Variants in DPT observed in about 807,000 individuals in gnomAD.
DPT encodes tyrosine-rich acidic matrix protein.
DPT carries 21 observed loss-of-function variants against 31.2 expected under a neutral mutation model. That is an observed-to-expected ratio of 0.67 (90% confidence interval 0.48 to 0.97). The LOEUF is 0.97. DPT is among the 50% of genes least tolerant of loss of function. The pLI, the probability that DPT is intolerant of heterozygous loss-of-function variation, is 0.00. For missense variants in DPT, 262 were observed against 258.8 expected (o/e 1.01, Z -0.08); for synonymous variants, 91 against 86.9 (o/e 1.05, Z -0.26).
chr1:168,700,953 C>A, intron 3 of DPT, 64 bp downstream of exon 3: 2 of 1,046,402 alleles, frequency 1.9e-6, no homozygotes, highest in Non-Finnish European at 1.5e-6. Context: ...AGGTAAAATC[C>A]TTGCAGGGAG....
intron 1 of DPT, among the ~76,000 whole-genome samples, chr1:168,725,627 G>A (rs763295607): frequency 9.9e-5 from 15 of 152,128 alleles, no homozygotes; most frequent in Non-Finnish European, 1.9e-4. Flanking sequence ...CCTGGTAGTT[G>A]TTAGTGCCAG....
At chr1:168,724,362 G>A (rs1650189710) in intron 1 of DPT, among the ~76,000 whole-genome samples, 2 of 152,212 alleles carry the variant, frequency 1.3e-5, no homozygotes, top group South Asian at 4.1e-4. Flanking sequence ...AAACCTGCAG[G>A]CCTCCTTGCG....
At chr1:168,699,843 C>T (rs1422401341) in intron 3 of DPT, among the ~76,000 whole-genome samples, 1 of 152,068 alleles carries the variant, frequency 6.6e-6, no homozygotes, top group African/African-American at 2.4e-5. Flanking sequence ...ATCATTAACA[C>T]CTGAATTTAC....
At chr1:168,704,935 A>T (rs981170500) in intron 2 of DPT, among the ~76,000 whole-genome samples, 1 of 152,234 alleles carries the variant, frequency 6.6e-6, no homozygotes, top group African/African-American at 2.4e-5. Context: ...ATACAATATC[A>T]TAGACTGAGC....
chr1:168,721,914 T>G (rs1173828224), intron 1 of DPT, among the ~76,000 whole-genome samples: 2 of 152,238 alleles, frequency 1.3e-5, no homozygotes, highest in Non-Finnish European at 2.9e-5. Context: ...AGGTTTTAAG[T>G]CTGCTAGTCT....
intron 1 of DPT, among the ~76,000 whole-genome samples, chr1:168,715,151 G>A (rs1182589722): frequency 2.6e-5 from 4 of 152,026 alleles, no homozygotes; most frequent in African/African-American, 4.8e-5. Flanking sequence ...ATATATAACC[G>A]CTCCACTCCA....
intron 3 of DPT, 121 bp from the exon 4 acceptor site, chr1:168,696,736 T>C (rs524705): frequency 0.57 from 470,961 of 831,300 alleles, 137,053 homozygotes; most frequent in African/African-American, 0.8. Context: ...GGACACTTAA[T>C]CTCACTTTGC....
chr1:168,728,617 G>C lies in DPT; in HGVS notation c.305+253C>G, dbSNP rs376513427. 9.2e-5 allele frequency among the ~76,000 whole-genome samples: 14 copies of C among 152,250 alleles called. No homozygotes were observed. In the East Asian group the frequency reaches 1.5e-3, roughly 17 times the overall value. ...CCCTGGCCCAAACTGAGAGTAGGTA[G>C]AACAGCTTCTGGAAGGAACAGAGCC... On this transcript the variant is annotated intron_variant, in intron 1 of 3. Transcript: ENST00000367817.
intron 2 of DPT, among the ~76,000 whole-genome samples, chr1:168,703,806 A>T (rs982178639): frequency 3.0e-4 from 45 of 152,332 alleles, no homozygotes; most frequent in Non-Finnish European, 3.2e-4. Context: ...GTAGAAAGTG[A>T]ACCTCCCAAA....
chr1:168,714,123 C>T, intron 2 of DPT, 98 bp downstream of exon 2: 1 of 1,539,012 alleles, frequency 6.5e-7, no homozygotes, highest in Non-Finnish European at 8.9e-7. Flanking sequence ...GCCTTCCAGG[C>T]TTGTGTGTGA....
intron 3 of DPT, among the ~76,000 whole-genome samples, chr1:168,698,623 T>C (rs1649516613): frequency 6.6e-6 from 1 of 152,154 alleles, no homozygotes; most frequent in South Asian, 2.1e-4. Context: ...AAGGGAATAC[T>C]TGGCAATGTC....
Position 168,695,983 on chromosome 1 carries a change from C to T in DPT, c.*566G>A, listed in dbSNP as rs1261733077. On this transcript the variant is annotated 3_prime_UTR_variant, in exon 4 of 4. Coordinates refer to ENST00000367817, the MANE Select transcript of DPT (RefSeq NM_001937.5). ...CAAACCCTTCCATTTCCCCATTTCA[C>T]CTCCCAGTCTCCTCACTCCTGGAGC... 1.3e-5 allele frequency: 5 copies of T among 389,846 alleles called. No homozygotes were observed. Among genetic ancestry groups the T allele is most frequent in the Non-Finnish European group, 2.3e-5 (5 of 221,130 alleles). 24.1% of individuals were successfully genotyped at this position (389,846 alleles called of 1,614,324 possible). A position where few individuals can be genotyped will look rare whatever the true frequency, so the allele number is the denominator to read the frequency against.
chr1:168,708,125 C>T (rs1196903662), intron 2 of DPT, among the ~76,000 whole-genome samples: 1 of 152,074 alleles, frequency 6.6e-6, no homozygotes, highest in African/African-American at 2.4e-5. Context: ...AATGCAAATG[C>T]TATGTGAGTA....
intron 2 of DPT, among the ~76,000 whole-genome samples, chr1:168,702,704 T>C (rs1649629690): frequency 6.7e-6 from 1 of 149,078 alleles, no homozygotes; most frequent in Non-Finnish European, 1.5e-5. Flanking sequence ...TTCCGCCTCC[T>C]GGGTTCAAGT....
At chr1:168,718,805 T>A (rs1650039558) in intron 1 of DPT, among the ~76,000 whole-genome samples, 1 of 152,198 alleles carries the variant, frequency 6.6e-6, no homozygotes, top group Non-Finnish European at 1.5e-5. Flanking sequence ...GATTAATAAA[T>A]TGCTTATTAG....
intron 2 of DPT, among the ~76,000 whole-genome samples, chr1:168,704,411 T>A (rs12069055): frequency 0.027 from 4,071 of 152,324 alleles, 189 homozygotes; most frequent in African/African-American, 0.092. Context: ...ATTTATTCAA[T>A]TTTAGCTATT....
chr1:168,728,948 G>C lies in DPT; in HGVS notation c.227C>G (p.Ala76Gly). 2 of 1,614,210 alleles carry C rather than the reference G, an allele frequency of 1.2e-6. No individual in the cohort carries two copies. The highest frequency in any genetic ancestry group is 1.7e-6 in the Non-Finnish European group (2 of 1,180,036). ...GAGGCTCTGTGGCGTGGGCATGCAG[G>C]CGTAGTTCCATTGTCTGTCAGAACC... ...KEGSDRQWNYACMPTPQSLGE... is the reference protein window; with the variant it reads ...KEGSDRQWNYGCMPTPQSLGE... Residue 76 changes from alanine to glycine, a missense_variant, in exon 1 of 4, where the codon GCC becomes GGC. Ala to Gly is a moderately conservative substitution (Grantham distance 60). Coordinates refer to ENST00000367817, the MANE Select transcript of DPT (RefSeq NM_001937.5).
In DPT at chr1:168,701,121, T is replaced by C; in HGVS notation, c.435A>G (p.Leu145=). The C allele has an allele frequency of 6.2e-7, 1 of 1,609,910 alleles. No homozygotes were observed. The highest frequency in any genetic ancestry group is 1.1e-5 in the South Asian group (1 of 90,944). ...CATAGTGACCTGGATATTCTGTTGT[T>C]AGCCTATGCAGGAAGAACAAAGGTT... ...YSKRCPYSCW[L]TTEYPGHYGE... The change falls in exon 3 of 4, where the codon CTA becomes CTG. Residue 145 remains leucine (L), a synonymous_variant. Transcript: ENST00000367817.
intron 2 of DPT, among the ~76,000 whole-genome samples, chr1:168,710,008 C>T (rs1451332638): frequency 6.6e-6 from 1 of 152,162 alleles, no homozygotes; most frequent in Non-Finnish European, 1.5e-5. Context: ...TCATCTGACA[C>T]ATTTATTAAG....
Sources: gnomAD v4.1 joint callset for allele counts (sites outside exome capture counted in the v4.1 genomes callset) on GRCh38, gnomAD v4.1.1 for gene constraint, MANE v1.5 for transcripts, NCBI Gene and HGNC (gene_info 2026-07-23, HGNC 2026-07-21) for gene names.